The following HSD17B11 variants were observed in gnomAD, a reference collection of about 807,000 sequenced individuals.
The protein encoded by HSD17B11 is estradiol 17-beta-dehydrogenase 11.
In HSD17B11, 22 loss-of-function variants were observed where a neutral mutation model predicts 27.8. The ratio of observed to expected loss-of-function variants is 0.79; its 90% CI spans 0.56 to 1.13. HSD17B11 has a LOEUF of 1.13. Among genes scored for constraint, HSD17B11 ranks in the 50% most tolerant of loss-of-function variants. The pLI, the probability that HSD17B11 is intolerant of heterozygous loss-of-function variation, is 0.00. For missense variants in HSD17B11, 314 were observed against 351.1 expected (o/e 0.89, Z 0.84); for synonymous variants, 117 against 132.8 (o/e 0.88, Z 0.82).
At chr4:87,389,022 T>C (rs566966691) in intron 1 of HSD17B11, among the ~76,000 whole-genome samples, 2 of 152,300 alleles carry the variant, frequency 1.3e-5, no homozygotes, top group South Asian at 2.1e-4. Context: ...TTTTGAGGTA[T>C]GTATTGTTAT....
At chr4:87,375,213 CTT>C (rs962887298) in intron 2 of HSD17B11, among the ~76,000 whole-genome samples, 54 of 151,990 alleles carry the variant, frequency 3.6e-4, no homozygotes, top group African/African-American at 1.3e-3. Context: ...CGCAATGACT[CTT>C]GTTTTTCTGC....
intron 6 of HSD17B11, among the ~76,000 whole-genome samples, chr4:87,339,405 C>T (rs949925480): frequency 6.6e-6 from 1 of 152,216 alleles, no homozygotes; most frequent in African/African-American, 2.4e-5. Flanking sequence ...AATCTCTGGA[C>T]CACTGTCTGT....
At position 87,382,373 on chromosome 4, in the gene HSD17B11, CA is replaced by C; in HGVS notation, c.211-12del. ...TTCCTCCAGTCCATGCTAGAAAAAG[CA>C]AAAAAGAGGGCAAGGTAATAATTGA... On this transcript the variant is annotated splice_polypyrimidine_tract_variant and intron_variant, in intron 1 of 6. Transcript: ENST00000358290. The C allele has an allele frequency of 1.3e-6, 2 of 1,542,824 alleles. No homozygotes were observed. Among genetic ancestry groups the C allele is most frequent in the Non-Finnish European group, 1.8e-6 (2 of 1,125,576 alleles).
intron 5 of HSD17B11, among the ~76,000 whole-genome samples, chr4:87,353,692 G>C (rs1035173698): frequency 6.6e-6 from 1 of 152,178 alleles, no homozygotes; most frequent in Admixed American, 6.5e-5. Flanking sequence ...AGGAGAGGGC[G>C]CTGGAGCCCA....
chr4:87,377,497 A>G (rs1284497460), intron 2 of HSD17B11, among the ~76,000 whole-genome samples: 5 of 152,174 alleles, frequency 3.3e-5, no homozygotes, highest in Admixed American at 2.0e-4. Flanking sequence ...CAGGTAATGT[A>G]ACTTTTTTTC....
chr4:87,340,660 T>C, intron 5 of HSD17B11, 54 bp from the exon 6 acceptor site: 1 of 1,219,424 alleles, frequency 8.2e-7, no homozygotes. Context: ...GCTTCAGCTT[T>C]AGTTTGGTGC....
intron 1 of HSD17B11, among the ~76,000 whole-genome samples, chr4:87,390,378 G>C (rs1169515784): frequency 6.6e-6 from 1 of 152,064 alleles, no homozygotes; most frequent in Non-Finnish European, 1.5e-5. Context: ...GGATGGTCTC[G>C]ATCTCCTGAC....
At chr4:87,365,053 C>G (rs1735591093) in intron 4 of HSD17B11, among the ~76,000 whole-genome samples, 1 of 152,160 alleles carries the variant, frequency 6.6e-6, no homozygotes, top group South Asian at 2.1e-4. Context: ...CCTGTAATCC[C>G]AGCTACGCGG....
chr4:87,361,389 A>G (rs1735509786), intron 4 of HSD17B11, among the ~76,000 whole-genome samples: 1 of 152,246 alleles, frequency 6.6e-6, no homozygotes, highest in Non-Finnish European at 1.5e-5. Context: ...TTATCAAAAA[A>G]TAATCATAAA....
intron 2 of HSD17B11, among the ~76,000 whole-genome samples, chr4:87,376,503 C>CA (rs70957230): frequency 0.28 from 17,315 of 62,004 alleles, 1,917 homozygotes; most frequent in Non-Finnish European, 0.35. Context: ...GATTTCATCT[C>CA]AAAAAAAAAA....
intron 4 of HSD17B11, among the ~76,000 whole-genome samples, chr4:87,370,046 T>C (rs1735679305): frequency 6.6e-6 from 1 of 152,184 alleles, no homozygotes; most frequent in African/African-American, 2.4e-5. Flanking sequence ...GAAATTAAAA[T>C]TTTTTTCCTA....
At position 87,357,949 on chromosome 4, in the gene HSD17B11, A is replaced by ATTTTTTTTTTTTTTTTTTTT. The variant is rs57139706; in HGVS notation, c.558-553_558-534dup. On this transcript the variant is annotated intron_variant, in intron 4 of 6. Transcript: ENST00000358290. ...TTGTAACTGAACATTCATTAGAGAA[A>ATTTTTTTTTTTTTTTTTTTT]TTTTTTTTTTTTTTTTTTTTTTTTT... Among the ~76,000 whole-genome samples, 23 of 80,238 alleles carry ATTTTTTTTTTTTTTTTTTTT rather than the reference A, an allele frequency of 2.9e-4. 5 individuals carry two copies. Among genetic ancestry groups the ATTTTTTTTTTTTTTTTTTTT allele is most frequent in the Non-Finnish European group, 4.6e-4 (19 of 41,334 alleles). 52.6% of individuals were successfully genotyped at this position (80,238 alleles called of 152,430 possible).
Position 87,358,251 on chromosome 4 carries a change from A to G in HSD17B11, c.558-835T>C, listed in dbSNP as rs749246654. Among the ~76,000 whole-genome samples, 37 of 152,052 alleles carry G rather than the reference A, an allele frequency of 2.4e-4. 1 individual carries two copies. Among genetic ancestry groups the G allele is most frequent in the Admixed American group, 7.2e-4 (11 of 15,274 alleles). On this transcript the variant is annotated intron_variant, in intron 4 of 6. Transcript: ENST00000358290. ...GCTGGCATTACAGGCGTGAGCCACC[A>G]CGCCCAGCTGAGATTAAATTTTTTA...
chr4:87,367,372 T>A (rs1046726624), intron 4 of HSD17B11, among the ~76,000 whole-genome samples: 3 of 152,168 alleles, frequency 2.0e-5, no homozygotes, highest in Non-Finnish European at 2.9e-5. Context: ...GAGGCCCAAG[T>A]TAACTTGGGA....
intron 5 of HSD17B11, among the ~76,000 whole-genome samples, chr4:87,354,173 T>A (rs1251640438): frequency 2.0e-5 from 3 of 152,214 alleles, no homozygotes; most frequent in Non-Finnish European, 4.4e-5. Flanking sequence ...TGTCTAACGT[T>A]GGCTTTCTGT....
At chr4:87,369,763 G>A (rs921893980) in intron 4 of HSD17B11, among the ~76,000 whole-genome samples, 6 of 152,096 alleles carry the variant, frequency 3.9e-5, no homozygotes, top group Non-Finnish European at 8.8e-5. Flanking sequence ...ATAACATTTT[G>A]TTACAAGCTA....
At chr4:87,364,732 ATCC>A (rs1735585709) in intron 4 of HSD17B11, among the ~76,000 whole-genome samples, 1 of 152,198 alleles carries the variant, frequency 6.6e-6, no homozygotes, top group African/African-American at 2.4e-5. Flanking sequence ...GGGATCCAGG[ATCC>A]AGTATAAAAT....
chr4:87,358,614 T>C (rs1467760260), intron 4 of HSD17B11, among the ~76,000 whole-genome samples: 1 of 152,162 alleles, frequency 6.6e-6, no homozygotes, highest in East Asian at 1.9e-4. Flanking sequence ...ATAATATATA[T>C]CATGTAAAAC....
At chr4:87,388,809 C>T (rs1177914575) in intron 1 of HSD17B11, among the ~76,000 whole-genome samples, 1 of 152,192 alleles carries the variant, frequency 6.6e-6, no homozygotes, top group Non-Finnish European at 1.5e-5. Context: ...TGGATAAATG[C>T]ATGTCACTGA....
Sources: allele counts gnomAD v4.1 joint callset (sites outside exome capture counted in the v4.1 genomes callset), GRCh38; gene constraint gnomAD v4.1.1; transcripts MANE v1.5; gene names NCBI Gene and HGNC (gene_info 2026-07-23, HGNC 2026-07-21).